Variants in ELP4 observed in about 807,000 individuals in gnomAD.
ELP4 encodes elongator complex protein 4.
In ELP4, 51 loss-of-function variants were observed where a neutral mutation model predicts 48.9. The ratio of observed to expected loss-of-function variants is 1.04; its 90% CI spans 0.83 to 1.32. The LOEUF is 1.32. Ranked by LOEUF, ELP4 falls within the 40% of genes most tolerant of loss-of-function variation. The pLI, the probability that ELP4 is intolerant of heterozygous loss-of-function variation, is 0.00. For synonymous variants in ELP4, 210 were observed against 189.2 expected, an observed-to-expected ratio of 1.11 and a Z score of -0.90; for missense variants, 519 against 514.6, an observed-to-expected ratio of 1.01 and a Z score of -0.08.
intron 1 of ELP4, among the ~76,000 whole-genome samples, chr11:31,512,998 A>G (rs1956038291): frequency 6.6e-6 from 1 of 151,990 alleles, no homozygotes; most frequent in African/African-American, 2.4e-5. Context: ...GAGGTAAATA[A>G]TAGTCTAGGA....
chr11:31,573,505 C>T (rs1957219167), intron 3 of ELP4: 1 of 152,188 alleles, frequency 6.6e-6, no homozygotes, highest in Non-Finnish European at 1.5e-5. Flanking sequence ...TCAACCAAGT[C>T]ATTTCCTGGT....
intron 7 of ELP4, among the ~76,000 whole-genome samples, chr11:31,634,700 T>G (rs1944936047): frequency 6.6e-6 from 1 of 151,990 alleles, no homozygotes; most frequent in South Asian, 2.1e-4. Flanking sequence ...ATATTTTAAC[T>G]TTGATACTTT....
chr11:31,714,745 GCTT>G (rs1475779190), intron 9 of ELP4: 20 of 398,392 alleles, frequency 5.0e-5, no homozygotes, highest in Non-Finnish European at 7.1e-5. Context: ...TTGGCTCATG[GCTT>G]CTTCCTCCGT....
chr11:31,520,459 C>A (rs1249463883), intron 2 of ELP4, among the ~76,000 whole-genome samples: 1 of 152,000 alleles, frequency 6.6e-6, no homozygotes. Context: ...TCGTATATAT[C>A]ATATCATTTT....
chr11:31,551,296 A>G (rs1956846922), intron 3 of ELP4, among the ~76,000 whole-genome samples: 1 of 152,168 alleles, frequency 6.6e-6, no homozygotes, highest in Non-Finnish European at 1.5e-5. Flanking sequence ...TGCAGCCTTC[A>G]TCGTCAACAT....
chr11:31,774,358 C>T (rs922116207), intron 9 of ELP4, among the ~76,000 whole-genome samples: 2 of 152,086 alleles, frequency 1.3e-5, no homozygotes, highest in Non-Finnish European at 2.9e-5. Context: ...AGGTATTTAA[C>T]GAAGGCTTAG....
Position 31,603,715 on chromosome 11 carries a change from A to T in ELP4, c.514-53A>T, listed in dbSNP as rs113985892. On this transcript the variant is annotated intron_variant, in intron 4 of 9. Coordinates refer to ENST00000640961, the MANE Select transcript of ELP4 (RefSeq NM_019040.5). ...GTTTTGCTGGATGTAGGACAAATAAATTATAGCTTAAAAATAATTGTTTAA... is the reference window on the plus strand; with the variant it reads ...GTTTTGCTGGATGTAGGACAAATAATTTATAGCTTAAAAATAATTGTTTAA... 7.3e-5 allele frequency: 114 copies of T among 1,571,326 alleles called. 1 individual carries two copies. In the East Asian group the frequency reaches 1.6e-3, roughly 22 times the overall value.
rs200391530 is a variant in ELP4, at chr11:31,789,577, TA to T, written c.*6067del. ...AGCTTGTTGATCATGGTTTTCTTTTTAAAAAAAAAAAAAACAACTTCATGAC... is the reference window on the plus strand; with the variant it reads ...AGCTTGTTGATCATGGTTTTCTTTTTAAAAAAAAAAAAACAACTTCATGAC... On this transcript the variant is annotated 3_prime_UTR_variant, in exon 10 of 10. Transcript: ENST00000640961. 0.075 allele frequency: 33,990 copies of T among 450,478 alleles called. 13 individuals carry two copies. The highest frequency in any genetic ancestry group is 0.096 in the South Asian group (3,328 of 34,710). 27.9% of individuals were successfully genotyped at this position (450,478 alleles called of 1,614,324 possible).
At chr11:31,741,640 T>G (rs1273223519) in intron 9 of ELP4, among the ~76,000 whole-genome samples, 1 of 152,210 alleles carries the variant, frequency 6.6e-6, no homozygotes, top group East Asian at 1.9e-4. Context: ...AAACAGGGTC[T>G]GGAGTGGACC....
intron 9 of ELP4, among the ~76,000 whole-genome samples, chr11:31,766,069 A>AT (rs1041820414): frequency 2.6e-5 from 4 of 151,980 alleles, no homozygotes; most frequent in Admixed American, 2.0e-4. Context: ...TGCTTCATCT[A>AT]TTTTTTAAAG....
intron 9 of ELP4, among the ~76,000 whole-genome samples, chr11:31,761,490 C>A (rs1465804905): frequency 6.6e-6 from 1 of 152,076 alleles, no homozygotes; most frequent in Admixed American, 6.5e-5. Context: ...GAATTTCAAC[C>A]TGTTACATAT....
chr11:31,780,911 T>C (rs1176812193), intron 9 of ELP4: 1 of 152,244 alleles, frequency 6.6e-6, no homozygotes, highest in Admixed American at 6.5e-5. Flanking sequence ...AAATCTCCAT[T>C]CTTCATGTCA....
At chr11:31,552,963 A>T (rs1434124289) in intron 3 of ELP4, among the ~76,000 whole-genome samples, 1 of 152,118 alleles carries the variant, frequency 6.6e-6, no homozygotes, top group Non-Finnish European at 1.5e-5. Flanking sequence ...TGCCTTGGCT[A>T]AGAACTTTTT....
rs548296564 is a variant in ELP4, at chr11:31,598,347, A to T, written c.513+3446A>T. 2.0e-4 allele frequency among the ~76,000 whole-genome samples: 30 copies of T among 152,134 alleles called. No individual in the cohort carries two copies. In the South Asian group the frequency reaches 5.8e-3, roughly 29 times the overall value. On this transcript the variant is annotated intron_variant, in intron 4 of 9. Coordinates refer to ENST00000640961, the MANE Select transcript of ELP4 (RefSeq NM_019040.5). ...AAATACATTGTTTTTTATAAATTCG[A>T]ATCATAGATACTATCCTTGCCCCAG...
Position 31,789,993 on chromosome 11 carries a change from G to C in ELP4, c.*6469G>C. 1 of 1,571,150 alleles carries C rather than the reference G, an allele frequency of 6.4e-7. No homozygotes were observed. Among genetic ancestry groups the C allele is most frequent in the Non-Finnish European group, 8.6e-7 (1 of 1,166,154 alleles). The stretch of plus-strand genomic sequence containing the variant: ...GGTTCACTTCCGGGAACTTGAACTG[G>C]AACTGACACACCAGGGGAAATGAGT... On this transcript the variant is annotated 3_prime_UTR_variant, in exon 10 of 10. Transcript: ENST00000640961.
At chr11:31,683,679 CTG>C (rs1484828061) in intron 9 of ELP4, among the ~76,000 whole-genome samples, 1 of 152,082 alleles carries the variant, frequency 6.6e-6, no homozygotes, top group African/African-American at 2.4e-5. Context: ...TAAAAGCCTA[CTG>C]TATAGGGGGT....
intron 3 of ELP4, among the ~76,000 whole-genome samples, chr11:31,562,632 T>G (rs1343510347): frequency 6.6e-6 from 1 of 152,342 alleles, no homozygotes; most frequent in East Asian, 1.9e-4. Context: ...TCACCCTTTC[T>G]TTTTGTAATA....
At chr11:31,763,402 C>G (rs920514489) in intron 9 of ELP4, 16 of 1,582,736 alleles carry the variant, frequency 1.0e-5, no homozygotes, top group Non-Finnish European at 1.3e-5. Context: ...TCTCTTTTCT[C>G]TGAGGCAGTG....
intron 9 of ELP4, among the ~76,000 whole-genome samples, chr11:31,687,044 A>G (rs1946176468): frequency 6.6e-6 from 1 of 152,128 alleles, no homozygotes; most frequent in East Asian, 1.9e-4. Flanking sequence ...AATCAACTGA[A>G]CTTAGTCATT....
Sources: gnomAD v4.1 joint callset for allele counts (sites outside exome capture counted in the v4.1 genomes callset) on GRCh38, gnomAD v4.1.1 for gene constraint, MANE v1.5 for transcripts, NCBI Gene and HGNC (gene_info 2026-07-23, HGNC 2026-07-21) for gene names.